The following DLG5 variants were observed in gnomAD, a reference collection of about 807,000 sequenced individuals.
DLG5 encodes discs large MAGUK scaffold protein 5.
Under a neutral mutation model 189.8 loss-of-function variants are expected in DLG5, and 48 were observed. That is an observed-to-expected ratio of 0.25 (90% CI 0.20 to 0.32). The LOEUF is 0.32. Among genes scored for constraint, DLG5 ranks in the 10% least tolerant of loss-of-function variants. The pLI is 1.00. For synonymous variants in DLG5, 1,016 were observed against 1,054.1 expected (o/e 0.96, Z 0.70); for missense variants, 2,160 against 2,544.7 (o/e 0.85, Z 3.25).
intron 1 of DLG5, among the ~76,000 whole-genome samples, chr10:77,925,668 C>G (rs990134951): frequency 2.6e-5 from 4 of 152,166 alleles, no homozygotes; most frequent in African/African-American, 9.7e-5. Flanking sequence ...CAAAGAAACC[C>G]AGGCAGGCGT....
chr10:77,880,000 T>G (rs1357242087), intron 1 of DLG5, among the ~76,000 whole-genome samples: 2 of 152,100 alleles, frequency 1.3e-5, no homozygotes, highest in Non-Finnish European at 2.9e-5. Flanking sequence ...TGATGAGCCT[T>G]GATAAAATCA....
chr10:77,815,237 G>A (rs528458010), intron 20 of DLG5, among the ~76,000 whole-genome samples: 75 of 152,360 alleles, frequency 4.9e-4, no homozygotes, highest in African/African-American at 1.8e-3. Flanking sequence ...TAAGAGCTCC[G>A]TCAGCATTTC....
At chr10:77,935,966 G>A in the DLG5 span, among the ~76,000 whole-genome samples, 24 of 152,268 alleles carry the variant, frequency 1.6e-4, no homozygotes, top group African/African-American at 5.8e-4. Flanking sequence ...TTAGGAAAAT[G>A]CCATATTGCA....
At chr10:77,828,811 CT>C (rs1466828825) in intron 13 of DLG5, 70 bp downstream of exon 13, 18 of 1,512,730 alleles carry the variant, frequency 1.2e-5, no homozygotes, top group Non-Finnish European at 1.6e-5. Flanking sequence ...CTCATTACTT[CT>C]TGCTCAAACC....
chr10:77,833,753 C>T (rs1046707537), intron 9 of DLG5, among the ~76,000 whole-genome samples, 161 bp downstream of exon 9: 1 of 152,356 alleles, frequency 6.6e-6, no homozygotes, highest in East Asian at 1.9e-4. Context: ...ATTCTACACA[C>T]TGACAGAGTA....
chr10:77,931,962 T>C, the DLG5 span, among the ~76,000 whole-genome samples: 1 of 152,198 alleles, frequency 6.6e-6, no homozygotes, highest in South Asian at 2.1e-4. Context: ...CCACAATGCC[T>C]GGTGTCTGGC....
At chr10:77,846,168 C>T (rs1048070299) in intron 5 of DLG5, among the ~76,000 whole-genome samples, 4 of 151,766 alleles carry the variant, frequency 2.6e-5, no homozygotes, top group Non-Finnish European at 4.4e-5. Context: ...TTGCTTGAAC[C>T]CAGGATGCGG....
intron 7 of DLG5, among the ~76,000 whole-genome samples, chr10:77,837,344 C>G (rs566783244): frequency 6.6e-6 from 1 of 151,622 alleles, no homozygotes; most frequent in Non-Finnish European, 1.5e-5. Context: ...AGAGCTGACA[C>G]GTTACCACGT....
chr10:77,904,812 G>A (rs1430019067), intron 1 of DLG5, among the ~76,000 whole-genome samples: 2 of 151,962 alleles, frequency 1.3e-5, no homozygotes, highest in Admixed American at 6.5e-5. Flanking sequence ...CCTGAGCAGA[G>A]TTTTACTTTC....
chr10:77,848,770 T>C (rs983799283), intron 5 of DLG5, among the ~76,000 whole-genome samples: 8 of 149,170 alleles, frequency 5.4e-5, no homozygotes, highest in African/African-American at 1.7e-4. Flanking sequence ...AATGTGACAT[T>C]AAAAAAAAAA....
At chr10:77,930,459 T>C (rs1846776355), upstream of DLG5, among the ~76,000 whole-genome samples, 1 of 151,876 alleles carries the variant, frequency 6.6e-6, no homozygotes, top group Admixed American at 6.6e-5. Context: ...GCGATTCTCC[T>C]GCCTCAGCCT....
At chr10:77,858,288 A>C (rs1336246637) in intron 2 of DLG5, among the ~76,000 whole-genome samples, 1 of 152,170 alleles carries the variant, frequency 6.6e-6, no homozygotes, top group Non-Finnish European at 1.5e-5. Flanking sequence ...ATAGAGTTAG[A>C]AACAAAAGAA....
rs1842059249 is a variant in DLG5, at chr10:77,816,535, G to C, written c.4025+16C>G. ...CCACTGGTTTACCCACTCCACCGAT[G>C]ACCGGCCATGCTCACCTGTCCTTTC... On this transcript the variant is annotated intron_variant, in intron 20 of 31. Coordinates refer to ENST00000372391, the MANE Select transcript of DLG5 (RefSeq NM_004747.4). The C allele has an allele frequency of 6.2e-7, 1 of 1,613,882 alleles. No homozygotes were observed. Among genetic ancestry groups the C allele is most frequent in the African/African-American group, 1.3e-5 (1 of 74,948 alleles).
At chr10:77,883,272 A>G (rs1845337634) in intron 1 of DLG5, among the ~76,000 whole-genome samples, 1 of 152,170 alleles carries the variant, frequency 6.6e-6, no homozygotes, top group Non-Finnish European at 1.5e-5. Flanking sequence ...GAGAGGGCCC[A>G]AGACCACAGG....
chr10:77,812,123 G>T lies in DLG5; in HGVS notation c.4189-66C>A. 3 of 1,599,298 alleles carry T rather than the reference G, an allele frequency of 1.9e-6. No individual in the cohort carries two copies. In the South Asian group the frequency reaches 3.3e-5, roughly 18 times the overall value. ...CTGTGGACAGGGAGGAGGCCCTGGG[G>T]ACTTGGGAGCACTGCTGTTCCCTAG... is the stretch of plus-strand genomic sequence containing the variant. On this transcript the variant is annotated intron_variant, in intron 21 of 31. Coordinates refer to ENST00000372391, the MANE Select transcript of DLG5 (RefSeq NM_004747.4).
chr10:77,804,845 A>G (rs1366680746), intron 27 of DLG5, among the ~76,000 whole-genome samples: 1 of 152,178 alleles, frequency 6.6e-6, no homozygotes, highest in East Asian at 1.9e-4. Flanking sequence ...GAACCTAAAA[A>G]CAAATGGCAA....
chr10:77,799,990 G>A (rs1176561027), intron 27 of DLG5, among the ~76,000 whole-genome samples: 3 of 152,016 alleles, frequency 2.0e-5, no homozygotes, highest in African/African-American at 4.8e-5. Context: ...AGACACTCCC[G>A]CACAAGCCCC....
Position 77,926,345 on chromosome 10 carries a change from A to C in DLG5, c.176T>G (p.Leu59Arg). 3 of 1,603,408 alleles carry C rather than the reference A, an allele frequency of 1.9e-6. No individual in the cohort carries two copies. Among genetic ancestry groups the C allele is most frequent in the Non-Finnish European group, 2.6e-6 (3 of 1,176,410 alleles). Residue 59 changes from leucine (L) to arginine (R), a missense_variant, in exon 1 of 32, where the codon CTG becomes CGG. By Grantham distance (102) the Leu-to-Arg change is moderately radical. Around this residue, in one of 5 missense-constraint regions of DLG5, gnomAD observed 664 missense variants for 838.5 expected, o/e 0.79. Transcript: ENST00000372391. The surrounding 1 kb of genome is among the most constrained non-coding windows in gnomAD (Gnocchi z 5.2). The stretch of plus-strand genomic sequence containing the variant: ...GTGGTCCCGCTCCTTGGCCAAGAGC[A>C]GCTTGAGCAGCAGCTCCGCCTTGGC... ...GGAKAELLLK[L>R]LLAKERDHFQ... is the part of the protein sequence containing the mutation.
intron 14 of DLG5, among the ~76,000 whole-genome samples, chr10:77,823,428 T>C (rs562185333): frequency 7.9e-5 from 12 of 152,250 alleles, no homozygotes; most frequent in Non-Finnish European, 1.5e-4. Context: ...AAATGTACCA[T>C]CTAGATTCAA....
Sources: allele counts gnomAD v4.1 joint callset (sites outside exome capture counted in the v4.1 genomes callset), GRCh38; gene constraint gnomAD v4.1.1; regional missense constraint gnomAD v4.1.1; non-coding constraint Gnocchi (gnomAD v3.1); transcripts MANE v1.5; gene names NCBI Gene and HGNC (gene_info 2026-07-23, HGNC 2026-07-21).